Variants in ATP8A2 observed in about 807,000 individuals in gnomAD.
ATP8A2 encodes ATPase phospholipid transporting 8A2.
A neutral mutation model predicts 165.6 loss-of-function variants in ATP8A2; 100 were observed. The observed-to-expected ratio is 0.60, with a 90% CI of 0.51 to 0.71. ATP8A2 has a LOEUF of 0.71. ATP8A2 is among the 30% of genes least tolerant of loss of function. ATP8A2 has a pLI of 0.00. For synonymous variants in ATP8A2, 543 were observed against 548.8 expected (o/e 0.99, Z 0.15); for missense variants, 1,227 against 1,479.5 (o/e 0.83, Z 2.80).
At chr13:25,725,498 C>T (rs2043473284) in intron 25 of ATP8A2, among the ~76,000 whole-genome samples, 1 of 152,190 alleles carries the variant, frequency 6.6e-6, no homozygotes, top group South Asian at 2.1e-4. Flanking sequence ...AGATCAGCAT[C>T]AAGGACAACA....
At chr13:25,459,401 G>T (rs2035448365) in intron 1 of ATP8A2, among the ~76,000 whole-genome samples, 1 of 152,206 alleles carries the variant, frequency 6.6e-6, no homozygotes, top group Admixed American at 6.5e-5. Flanking sequence ...GTGTTCGCTT[G>T]ATTCACTCGT....
chr13:25,436,316 C>T (rs1380729389), intron 1 of ATP8A2, among the ~76,000 whole-genome samples: 2 of 152,036 alleles, frequency 1.3e-5, no homozygotes, highest in Admixed American at 1.3e-4. Flanking sequence ...TTTATGTCCA[C>T]GTGTACTCAA....
Position 25,845,329 on chromosome 13 carries a change from G to A in ATP8A2, c.2956+5705G>A, listed in dbSNP as rs182026560. ...TCCTTGAAGTGTAATGTGGTTATTG[G>A]CAAAATAATACAAAATCGGTCTTGA... is the stretch of plus-strand genomic sequence containing the variant. On this transcript the variant is annotated intron_variant, in intron 30 of 36. Transcript: ENST00000381655. 1.3e-4 allele frequency among the ~76,000 whole-genome samples: 20 copies of A among 152,240 alleles called. No homozygotes were observed. In the East Asian group the frequency reaches 2.7e-3, roughly 21 times the overall value.
chr13:25,447,507 AG>A (rs1462582468), intron 1 of ATP8A2, among the ~76,000 whole-genome samples: 5 of 152,138 alleles, frequency 3.3e-5, no homozygotes, highest in African/African-American at 9.7e-5. Flanking sequence ...GCTCACAGGG[AG>A]CAGGTGCAGG....
At chr13:25,818,099 G>C (rs1242675555) in intron 27 of ATP8A2, among the ~76,000 whole-genome samples, 1 of 152,182 alleles carries the variant, frequency 6.6e-6, no homozygotes, top group Non-Finnish European at 1.5e-5. Flanking sequence ...TGCTAGGCCA[G>C]TCTCAACCAT....
At position 25,373,702 on chromosome 13, in the gene ATP8A2, C is replaced by G. The variant is rs569255363; in HGVS notation, c.76+1414C>G. On this transcript the variant is annotated intron_variant, in intron 1 of 36. Coordinates refer to ENST00000381655, the MANE Select transcript of ATP8A2 (RefSeq NM_016529.6). ...ACCCCTTGCTGAGATGGGGAAACTG[C>G]GGAGGACCAGGGTTCTCTTTTGCGG... 1.1e-4 allele frequency among the ~76,000 whole-genome samples: 16 copies of G among 152,246 alleles called. No individual in the cohort carries two copies. The East Asian group carries it at 2.9e-3, about 28-fold the overall frequency.
In ATP8A2 at chr13:25,915,082, G is replaced by T. The variant is rs148120373; in HGVS notation, c.3184-46493G>T. Among the ~76,000 whole-genome samples, 470 of 152,304 alleles carry T rather than the reference G, an allele frequency of 3.1e-3. 2 individuals carry two copies. The Middle Eastern group carries it at 0.045, about 14-fold the overall frequency. ...CTCTTAAGCATTTCTGTTCTAAAGT[G>T]CTTCTGTTCTAAAATTATGTTGCAC... On this transcript the variant is annotated intron_variant, in intron 33 of 36. Coordinates refer to ENST00000381655, the MANE Select transcript of ATP8A2 (RefSeq NM_016529.6).
chr13:25,651,643 T>C (rs1210319915), intron 24 of ATP8A2, among the ~76,000 whole-genome samples: 1 of 152,140 alleles, frequency 6.6e-6, no homozygotes, highest in Non-Finnish European at 1.5e-5. Flanking sequence ...ATTAGAGAAT[T>C]GTGATCAGGG....
chr13:25,821,635 C>T (rs1951183981), intron 27 of ATP8A2, among the ~76,000 whole-genome samples: 1 of 152,198 alleles, frequency 6.6e-6, no homozygotes, highest in Non-Finnish European at 1.5e-5. Flanking sequence ...AACAAGATTT[C>T]TAAGTTTTGT....
At chr13:25,689,074 G>A (rs2042667817) in intron 24 of ATP8A2, among the ~76,000 whole-genome samples, 3 of 152,224 alleles carry the variant, frequency 2.0e-5, no homozygotes, top group South Asian at 4.1e-4. Flanking sequence ...GACAGTAAGT[G>A]TGGTGGCTGT....
At chr13:25,769,986 G>T (rs1204453491) in intron 26 of ATP8A2, among the ~76,000 whole-genome samples, 10 of 152,180 alleles carry the variant, frequency 6.6e-5, no homozygotes, top group Non-Finnish European at 1.5e-5. Context: ...CTAACCCGTA[G>T]GGTGCATATC....
At chr13:25,866,291 G>T (rs917039461) in intron 33 of ATP8A2, among the ~76,000 whole-genome samples, 1 of 152,124 alleles carries the variant, frequency 6.6e-6, no homozygotes, top group Admixed American at 6.5e-5. Context: ...CTCCTAATCA[G>T]CAAAGTCAGA....
At chr13:25,631,558 A>G (rs1055033242) in intron 24 of ATP8A2, among the ~76,000 whole-genome samples, 3 of 152,174 alleles carry the variant, frequency 2.0e-5, no homozygotes, top group Non-Finnish European at 4.4e-5. Flanking sequence ...CTAAAAGAAG[A>G]TGCTTGCTGC....
At chr13:25,861,122 A>G (rs1435246403) in intron 32 of ATP8A2, among the ~76,000 whole-genome samples, 1 of 152,148 alleles carries the variant, frequency 6.6e-6, no homozygotes, top group African/African-American at 2.4e-5. Context: ...AAAAACAAAA[A>G]CCATATTATA....
chr13:25,747,188 G>A (rs1369586552), intron 25 of ATP8A2, among the ~76,000 whole-genome samples: 1 of 152,182 alleles, frequency 6.6e-6, no homozygotes, highest in South Asian at 2.1e-4. Flanking sequence ...TAGAAACTTA[G>A]GTCTACCTTA....
Position 25,461,840 on chromosome 13 carries a change from A to G in ATP8A2, c.77-7137A>G, listed in dbSNP as rs1262021140. On this transcript the variant is annotated intron_variant, in intron 1 of 36. Transcript: ENST00000381655. ...TTAAAGATGTGTGAGGAAGAAGAAG[A>G]AGGAGAAGAAGAAGGAGGAGGAGGA... Among the ~76,000 whole-genome samples the G allele has an allele frequency of 4.8e-3, 615 of 128,866 alleles. 3 individuals are homozygous for G. The highest frequency in any genetic ancestry group is 0.014 in the African/African-American group (495 of 34,282). 84.5% of individuals were successfully genotyped at this position (128,866 alleles called of 152,430 possible).
intron 30 of ATP8A2, among the ~76,000 whole-genome samples, chr13:25,842,777 G>A (rs1951774905): frequency 6.6e-6 from 1 of 151,722 alleles, no homozygotes; most frequent in Admixed American, 6.6e-5. Context: ...GAAAGAAGGA[G>A]GGAAAAAGAA....
chr13:25,913,813 C>T (rs1954190726), intron 33 of ATP8A2, among the ~76,000 whole-genome samples: 1 of 152,208 alleles, frequency 6.6e-6, no homozygotes, highest in African/African-American at 2.4e-5. Context: ...CTGGGAGCAG[C>T]TCTGGTTTTT....
intron 33 of ATP8A2, among the ~76,000 whole-genome samples, chr13:25,925,730 CTTTT>C (rs11299784): frequency 7.3e-6 from 1 of 137,222 alleles, no homozygotes. Flanking sequence ...AGTTGTCAAT[CTTTT>C]TTTTTTTTTT....
Sources: gnomAD v4.1 joint callset for allele counts (sites outside exome capture counted in the v4.1 genomes callset) on GRCh38, gnomAD v4.1.1 for gene constraint, MANE v1.5 for transcripts, NCBI Gene and HGNC (gene_info 2026-07-23, HGNC 2026-07-21) for gene names.